The following COL11A1 variants were observed in gnomAD, a reference collection of about 807,000 sequenced individuals.
COL11A1 encodes collagen alpha-1(XI) chain.
Under a neutral mutation model 265.2 loss-of-function variants are expected in COL11A1, and 74 were observed. The ratio of observed to expected loss-of-function variants is 0.28; its 90% CI spans 0.23 to 0.34. COL11A1 has a LOEUF of 0.34. Among genes scored for constraint, COL11A1 ranks in the 10% least tolerant of loss-of-function variants. COL11A1 has a pLI of 1.00. For missense variants in COL11A1, 2,165 were observed against 2,263.6 expected, an observed-to-expected ratio of 0.96 and a Z score of 0.88; for synonymous variants, 816 against 727.6, an observed-to-expected ratio of 1.12 and a Z score of -1.96.
rs755224857 is a variant in COL11A1 at position 103,005,859 on chromosome 1, C to T, written c.1824G>A (p.Leu608=). The T allele has an allele frequency of 1.2e-6, 2 of 1,613,898 alleles. No homozygotes were observed. Among genetic ancestry groups the T allele is most frequent in the South Asian group, 1.1e-5 (1 of 91,064 alleles). The part of the protein sequence containing the change: ...GDRGFDGLPG[L]PGDKGHRGER... ...TTACCCTGTGACCTTTGTCACCTGG[C>T]AGACCCGGAAGTCCATCAAACCCTC... The change falls in exon 18 of 67, where the codon CTG becomes CTA. Residue 608 remains leucine, a synonymous_variant. Transcript: ENST00000370096.
chr1:102,984,066 G>T lies in COL11A1; in HGVS notation c.2556+72C>A, dbSNP rs1181946830. The T allele has an allele frequency of 3.8e-6, 4 of 1,061,150 alleles. No homozygotes were observed. In the African/African-American group the frequency reaches 6.3e-5, roughly 17 times the overall value. The allele number at this position is 1,061,150 out of a possible 1,614,324, so 65.7% of individuals were successfully genotyped here. ...TGATAATATAGAGATGTTACAAATT[G>T]TAAGGTAATCATAAGTGATTAATAT... On this transcript the variant is annotated intron_variant, in intron 31 of 66. Coordinates refer to ENST00000370096, the MANE Select transcript of COL11A1 (RefSeq NM_001854.4).
chr1:103,051,744 T>C (rs1228954824), intron 4 of COL11A1, among the ~76,000 whole-genome samples: 1 of 152,160 alleles, frequency 6.6e-6, no homozygotes, highest in East Asian at 1.9e-4. Flanking sequence ...CCATCTTGGC[T>C]CCTCCCTATA....
chr1:103,106,880 C>G (rs995453386), intron 1 of COL11A1, among the ~76,000 whole-genome samples: 3 of 152,128 alleles, frequency 2.0e-5, no homozygotes, highest in African/African-American at 7.2e-5. Context: ...CCCAGGGCCA[C>G]ACTCAAGTTT....
chr1:103,067,888 A>G (rs530083257), intron 4 of COL11A1, among the ~76,000 whole-genome samples: 1 of 151,844 alleles, frequency 6.6e-6, no homozygotes, highest in South Asian at 2.1e-4. Context: ...ACTTAACATG[A>G]TCAACACAAG....
At chr1:102,928,106 T>A (rs909847634) in intron 46 of COL11A1, among the ~76,000 whole-genome samples, 15 of 152,048 alleles carry the variant, frequency 9.9e-5, no homozygotes, top group Admixed American at 3.3e-4. Context: ...ATCTTACTTT[T>A]TTTTTTATTA....
chr1:103,039,864 A>G (rs1557982846), intron 4 of COL11A1, among the ~76,000 whole-genome samples: 1 of 152,136 alleles, frequency 6.6e-6, no homozygotes, highest in South Asian at 2.1e-4. Flanking sequence ...GACTATATCC[A>G]GGGTCCGGTA....
intron 41 of COL11A1, among the ~76,000 whole-genome samples, chr1:102,951,262 T>G (rs1659846143): frequency 6.6e-6 from 1 of 152,232 alleles, no homozygotes; most frequent in Admixed American, 6.5e-5. Flanking sequence ...AATGCAGCAC[T>G]TGGCACTACA....
intron 4 of COL11A1, among the ~76,000 whole-genome samples, chr1:103,042,453 A>G (rs544034556): frequency 1.5e-4 from 23 of 152,154 alleles, no homozygotes; most frequent in African/African-American, 5.5e-4. Flanking sequence ...TGGCACCCCA[A>G]TTCCTATTAC....
At chr1:103,048,887 G>C in intron 4 of COL11A1, among the ~76,000 whole-genome samples, 1 of 152,166 alleles carries the variant, frequency 6.6e-6, no homozygotes. Flanking sequence ...AGGTTGTTCA[G>C]TTTCCATGTA....
At chr1:102,925,142 T>G (rs1053370894) in intron 46 of COL11A1, among the ~76,000 whole-genome samples, 1 of 152,136 alleles carries the variant, frequency 6.6e-6, no homozygotes, top group Non-Finnish European at 1.5e-5. Flanking sequence ...GACACTGCAC[T>G]GTAATTGCTG....
intron 1 of COL11A1, among the ~76,000 whole-genome samples, chr1:103,084,418 AC>A (rs1429937689): frequency 6.6e-6 from 1 of 152,120 alleles, no homozygotes; most frequent in Non-Finnish European, 1.5e-5. Context: ...AAATTTGAAC[AC>A]AATGTTCACT....
rs1377225041 is a variant in COL11A1 at position 103,008,492 on chromosome 1, T to C, written c.1654A>G (p.Lys552Glu). ...GGACCTGGATCACCACTCTCACCTT[T>C]GGCCCCAGATGAACCAGGCCCCCCC... is the stretch of plus-strand genomic sequence containing the variant. ...PVGGPGSSGA[K>E]GESGDPGPQG... The change falls in exon 15 of 67, where the codon AAA (lysine) becomes GAA (glutamate). Residue 552 changes from lysine to glutamate, a missense_variant. Transcript: ENST00000370096. 4.3e-6 allele frequency: 7 copies of C among 1,613,864 alleles called. No individual in the cohort carries two copies. The highest frequency in any genetic ancestry group is 5.9e-6 in the Non-Finnish European group (7 of 1,179,946).
At chr1:103,026,114 T>C in intron 6 of COL11A1, 102 bp downstream of exon 6, 2 of 1,192,212 alleles carry the variant, frequency 1.7e-6, no homozygotes, top group Non-Finnish European at 2.5e-6. Flanking sequence ...AGAAATAAGA[T>C]GAATGAAAGG....
intron 1 of COL11A1, among the ~76,000 whole-genome samples, chr1:103,090,744 A>C (rs1673253111): frequency 6.6e-6 from 1 of 152,212 alleles, no homozygotes; most frequent in Non-Finnish European, 1.5e-5. Context: ...TTATTCCATG[A>C]AAATGTCTAC....
chr1:103,083,123 A>G, intron 1 of COL11A1, 151 bp from the exon 2 acceptor site: 1 of 677,350 alleles, frequency 1.5e-6, no homozygotes, highest in Non-Finnish European at 2.5e-6. Flanking sequence ...GAGTTTGGAG[A>G]GTGGGGCAGC....
chr1:103,084,301 C>T (rs1347449547), intron 1 of COL11A1, among the ~76,000 whole-genome samples: 4 of 152,108 alleles, frequency 2.6e-5, no homozygotes, highest in Non-Finnish European at 4.4e-5. Context: ...TCTAGTTACT[C>T]ATTCGAGAAT....
intron 4 of COL11A1, among the ~76,000 whole-genome samples, chr1:103,039,610 CTG>C (rs66514273): frequency 0.048 from 7,326 of 152,162 alleles, 217 homozygotes; most frequent in Non-Finnish European, 0.071. Flanking sequence ...GAAAACGACT[CTG>C]TCAACACCTG....
intron 41 of COL11A1, among the ~76,000 whole-genome samples, chr1:102,947,711 T>G (rs1294012863): frequency 6.6e-6 from 1 of 151,954 alleles, no homozygotes; most frequent in African/African-American, 2.4e-5. Context: ...ACATGGATAC[T>G]GCTTTTATAG....
intron 4 of COL11A1, among the ~76,000 whole-genome samples, chr1:103,065,372 T>C (rs1176699398): frequency 6.6e-6 from 1 of 151,288 alleles, no homozygotes; most frequent in African/African-American, 2.4e-5. Flanking sequence ...TACAAAAAAT[T>C]AGCCGGGCGT....
Sources: gnomAD v4.1 joint callset for allele counts (sites outside exome capture counted in the v4.1 genomes callset) on GRCh38, gnomAD v4.1.1 for gene constraint, MANE v1.5 for transcripts, NCBI Gene and HGNC (gene_info 2026-07-23, HGNC 2026-07-21) for gene names.